LHFPL4: variants seen among roughly 807,000 people sequenced by gnomAD.
LHFPL4 encodes the protein LHFPL tetraspan subfamily member 4 protein.
LHFPL4 carries 6 observed loss-of-function variants against 20.0 expected under a neutral mutation model. That is an observed-to-expected ratio of 0.30 (90% CI 0.16 to 0.59). The LOEUF (loss-of-function observed/expected upper bound fraction) is 0.59. Ranked by LOEUF, LHFPL4 falls within the 20% of genes least tolerant of loss-of-function variation. LHFPL4 has a pLI of 0.88. For synonymous variants in LHFPL4, 129 were observed against 143.8 expected (o/e 0.90, Z 0.74); for missense variants, 215 against 331.2 (o/e 0.65, Z 2.72).
chr3:9,529,031 T>C (rs1275564338), intron 2 of LHFPL4, among the ~76,000 whole-genome samples: 1 of 133,418 alleles, frequency 7.5e-6, no homozygotes, highest in Non-Finnish European at 1.7e-5. Flanking sequence ...AAATCACCAA[T>C]GTTCTTTTTT....
chr3:9,525,254 G>T (rs1037097584), intron 2 of LHFPL4, among the ~76,000 whole-genome samples: 2 of 152,204 alleles, frequency 1.3e-5, no homozygotes, highest in African/African-American at 4.8e-5. Flanking sequence ...AAAAGTGTGG[G>T]AGCCCCCCTA....
chr3:9,538,959 C>G (rs1050316971), intron 2 of LHFPL4, among the ~76,000 whole-genome samples: 4 of 152,044 alleles, frequency 2.6e-5, no homozygotes, highest in African/African-American at 9.7e-5. Flanking sequence ...CTTGGCCTCT[C>G]AAAGTGCTGG....
At chr3:9,513,117 T>G (rs1046033806) in intron 2 of LHFPL4, among the ~76,000 whole-genome samples, 20 of 151,796 alleles carry the variant, frequency 1.3e-4, no homozygotes, top group Admixed American at 8.5e-4. Flanking sequence ...CCGCCACTAC[T>G]CCCGGCTAAT....
intron 2 of LHFPL4, among the ~76,000 whole-genome samples, chr3:9,548,120 G>A (rs1042789969): frequency 6.6e-6 from 1 of 151,966 alleles, no homozygotes; most frequent in African/African-American, 2.4e-5. Context: ...TCCGGTTTTA[G>A]AGTCAGACAT....
chr3:9,522,884 A>G (rs1045388825), intron 2 of LHFPL4, among the ~76,000 whole-genome samples: 6 of 151,570 alleles, frequency 4.0e-5, no homozygotes, highest in African/African-American at 1.5e-4. Context: ...TACTAAAAAT[A>G]CAAAAAATTA....
chr3:9,510,186 C>T (rs1014229145), intron 2 of LHFPL4, among the ~76,000 whole-genome samples: 7 of 152,140 alleles, frequency 4.6e-5, no homozygotes, highest in East Asian at 1.9e-4. Context: ...ATGGGTGGCT[C>T]ATGCCTGTAG....
chr3:9,541,140 C>T (rs2046473822), intron 2 of LHFPL4, among the ~76,000 whole-genome samples: 2 of 151,816 alleles, frequency 1.3e-5, no homozygotes, highest in African/African-American at 2.4e-5. Flanking sequence ...GACGGGGTTT[C>T]ACCATGTTGG....
intron 2 of LHFPL4, among the ~76,000 whole-genome samples, chr3:9,507,994 C>T (rs1015557421): frequency 2.0e-5 from 3 of 152,194 alleles, no homozygotes; most frequent in Non-Finnish European, 2.9e-5. Context: ...TGTTTGGAAC[C>T]GTGGGGACCT....
intron 2 of LHFPL4, among the ~76,000 whole-genome samples, chr3:9,521,232 CTTT>C (rs34985785): frequency 2.9e-5 from 4 of 139,418 alleles, no homozygotes; most frequent in Middle Eastern, 3.6e-3. Context: ...TCTTCTTCTT[CTTT>C]TTTTTTTTTT....
intron 2 of LHFPL4, among the ~76,000 whole-genome samples, chr3:9,512,382 G>C (rs80339861): frequency 0.041 from 6,232 of 152,246 alleles, 178 homozygotes; most frequent in Non-Finnish European, 0.063. Flanking sequence ...TCATAAGGGT[G>C]GCGTGTGAGC....
chr3:9,538,305 T>C (rs1479087178), intron 2 of LHFPL4, among the ~76,000 whole-genome samples: 2 of 152,212 alleles, frequency 1.3e-5, no homozygotes, highest in East Asian at 3.9e-4. Context: ...TGATTGTCCA[T>C]CATCTAGGAA....
rs141701978 is a variant in LHFPL4 at position 9,533,550 on chromosome 3, A to G, written c.406+18724T>C. 7.8e-3 allele frequency among the ~76,000 whole-genome samples: 1,183 copies of G among 152,330 alleles called. 11 individuals are homozygous for G. The highest frequency in any genetic ancestry group is 0.071 in the Middle Eastern group (21 of 294). Reference sequence around the variant, plus strand: ...GTAATCCCAACACTTTGCGAGGCCAAGGTGGGCGGATCACGAGGTCAGGAG... The same window carrying G: ...GTAATCCCAACACTTTGCGAGGCCAGGGTGGGCGGATCACGAGGTCAGGAG... On this transcript the variant is annotated intron_variant, in intron 2 of 3. Transcript: ENST00000287585.
At chr3:9,504,802 G>A (rs1284966469) in intron 3 of LHFPL4, among the ~76,000 whole-genome samples, 2 of 143,708 alleles carry the variant, frequency 1.4e-5, no homozygotes, top group Non-Finnish European at 3.0e-5. Context: ...TCCAGCCTGG[G>A]TGACTGAGTG....
intron 2 of LHFPL4, among the ~76,000 whole-genome samples, chr3:9,507,711 C>A (rs906364622): frequency 6.6e-6 from 1 of 152,240 alleles, no homozygotes; most frequent in Admixed American, 6.5e-5. Context: ...AATCCCCGCC[C>A]AGGTGGGCCC....
chr3:9,543,560 G>A (rs1163259068), intron 2 of LHFPL4, among the ~76,000 whole-genome samples: 1 of 151,806 alleles, frequency 6.6e-6, no homozygotes, highest in Non-Finnish European at 1.5e-5. Flanking sequence ...TAGGATGACT[G>A]TAGCCCCAGC....
chr3:9,529,662 G>C (rs2046397083), intron 2 of LHFPL4, among the ~76,000 whole-genome samples: 1 of 151,330 alleles, frequency 6.6e-6, no homozygotes, highest in African/African-American at 2.4e-5. Flanking sequence ...TGAGATGGAG[G>C]CTCATTCTTT....
chr3:9,510,854 C>T (rs1038220938), intron 2 of LHFPL4, among the ~76,000 whole-genome samples: 2 of 151,232 alleles, frequency 1.3e-5, no homozygotes, highest in South Asian at 4.2e-4. Context: ...AGGAGAATTC[C>T]TTGAACCCAG....
intron 2 of LHFPL4, among the ~76,000 whole-genome samples, chr3:9,537,644 G>A (rs1449233603): frequency 6.6e-6 from 1 of 152,044 alleles, no homozygotes; most frequent in East Asian, 1.9e-4. Flanking sequence ...ACCTTCTCCT[G>A]CAGACATGTG....
At chr3:9,522,482 G>A (rs1333710628) in intron 2 of LHFPL4, among the ~76,000 whole-genome samples, 2 of 151,674 alleles carry the variant, frequency 1.3e-5, no homozygotes, top group East Asian at 3.9e-4. Flanking sequence ...GCTCATGCCT[G>A]TAATCCCAGC....
Sources: gnomAD v4.1 joint callset for allele counts (sites outside exome capture counted in the v4.1 genomes callset) on GRCh38, gnomAD v4.1.1 for gene constraint, MANE v1.5 for transcripts, NCBI Gene and HGNC (gene_info 2026-07-23, HGNC 2026-07-21) for gene names.